Variants in NTRK3 observed in about 807,000 individuals in gnomAD.
The protein encoded by NTRK3 is NT-3 growth factor receptor.
Under a neutral mutation model 91.7 loss-of-function variants are expected in NTRK3, and 24 were observed. The ratio of observed to expected loss-of-function variants is 0.26; its 90% CI spans 0.19 to 0.37. The LOEUF (loss-of-function observed/expected upper bound fraction) is 0.37, where lower values mean the gene tolerates loss of function less well. Among genes scored for constraint, NTRK3 ranks in the 10% least tolerant of loss-of-function variants. The pLI is 1.00. For missense variants in NTRK3, 880 were observed against 1,068.9 expected (o/e 0.82, Z 2.46); for synonymous variants, 483 against 404.0 (o/e 1.20, Z -2.34).
At chr15:88,138,170 G>C (rs556424304) in intron 6 of NTRK3, among the ~76,000 whole-genome samples, 1 of 152,186 alleles carries the variant, frequency 6.6e-6, no homozygotes, top group East Asian at 1.9e-4. Context: ...TTGGGAGGCC[G>C]AGGTGGGAGG....
Position 88,243,914 on chromosome 15 carries a change from G to GA in NTRK3, c.248+11991dup, listed in dbSNP as rs536787796. The stretch of plus-strand genomic sequence containing the variant: ...AGCCATCATCACATGAATGCCCTCA[G>GA]AAAAAAAATATCTTTAGCACCTAGC... On this transcript the variant is annotated intron_variant, in intron 3 of 18. Transcript: ENST00000394480. This position sits in a 1 kb window ranked among gnomAD's most constrained non-coding sequence, Gnocchi z 4.8. Among the ~76,000 whole-genome samples the GA allele has an allele frequency of 2.0e-3, 306 of 151,970 alleles. No homozygotes were observed. The highest frequency in any genetic ancestry group is 6.8e-3 in the African/African-American group (282 of 41,472).
chr15:88,059,864 G>C (rs2046052086), intron 13 of NTRK3, among the ~76,000 whole-genome samples: 2 of 152,182 alleles, frequency 1.3e-5, no homozygotes, highest in Admixed American at 1.3e-4. Flanking sequence ...AATGTCACTG[G>C]TGTCCTTCTT....
intron 14 of NTRK3, among the ~76,000 whole-genome samples, chr15:87,958,009 G>A (rs1277310392): frequency 6.6e-6 from 1 of 152,182 alleles, no homozygotes; most frequent in Non-Finnish European, 1.5e-5. Context: ...TGTTGGTGGG[G>A]TGGCTGGAGG....
intron 13 of NTRK3, among the ~76,000 whole-genome samples, chr15:88,056,190 ATATATATATATATTTT>A (rs1238820764): frequency 1.0e-5 from 1 of 98,604 alleles, no homozygotes. Flanking sequence ...ATATATATAT[ATATATATATATATTTT>A]TTTTTTAATG....
chr15:88,247,382 A>G (rs1022566710), intron 3 of NTRK3, among the ~76,000 whole-genome samples: 1 of 152,084 alleles, frequency 6.6e-6, no homozygotes, highest in East Asian at 1.9e-4. Context: ...GGCCAAATCA[A>G]TTCACCTCTC....
In NTRK3 at chr15:88,057,216, G is replaced by A. The variant is rs568929373; in HGVS notation, c.1397-24171C>T. ...AGAAAAAAAGAAATGTGTCCTGAGGGCTGGGTGCAGTGGCTCACACCTGTA... is the reference window on the plus strand; with the variant it reads ...AGAAAAAAAGAAATGTGTCCTGAGGACTGGGTGCAGTGGCTCACACCTGTA... On this transcript the variant is annotated intron_variant, in intron 13 of 18. Coordinates refer to ENST00000394480, the Ensembl canonical transcript of NTRK3. 5.3e-5 allele frequency among the ~76,000 whole-genome samples: 8 copies of A among 150,172 alleles called. No individual in the cohort carries two copies. In the East Asian group the frequency reaches 1.4e-3, roughly 26 times the overall value.
chr15:87,865,570 A>C (rs2141385735), exon 19 of NTRK3: 1 of 217,214 alleles, frequency 4.6e-6, no homozygotes, highest in East Asian at 6.8e-5. Flanking sequence ...ACAGGGTACC[A>C]CTTAAAAATC....
At chr15:87,933,160 C>A (rs2068953391) in exon 16 of NTRK3, 3 of 1,614,158 alleles carry the variant, frequency 1.9e-6, no homozygotes, top group Non-Finnish European at 2.5e-6. Context: ...TCCTTCCGGG[C>A]AGCCAGGGTG....
At chr15:87,892,110 A>ACACACACACG (rs1162093326) in intron 17 of NTRK3, among the ~76,000 whole-genome samples, 2 of 151,328 alleles carry the variant, frequency 1.3e-5, no homozygotes, top group Non-Finnish European at 2.9e-5. Context: ...ACACACACAC[A>ACACACACACG]CACGCACGCA....
chr15:87,977,079 C>T (rs1316818552), intron 14 of NTRK3, among the ~76,000 whole-genome samples: 2 of 152,202 alleles, frequency 1.3e-5, no homozygotes, highest in African/African-American at 2.4e-5. Flanking sequence ...TTGCTTTCAC[C>T]TCTCACACTG....
At chr15:88,113,012 A>C (rs545503183) in intron 13 of NTRK3, among the ~76,000 whole-genome samples, 1 of 152,274 alleles carries the variant, frequency 6.6e-6, no homozygotes, top group Admixed American at 6.5e-5. Context: ...AGAGATTTTG[A>C]AATCATTCTT....
intron 17 of NTRK3, among the ~76,000 whole-genome samples, chr15:87,913,221 A>C (rs2067222328): frequency 6.6e-6 from 1 of 151,980 alleles, no homozygotes; most frequent in Non-Finnish European, 1.5e-5. Flanking sequence ...TGCTAGTCTC[A>C]TTTATGTGAT....
chr15:88,165,029 T>A (rs2044802352), intron 5 of NTRK3, among the ~76,000 whole-genome samples: 1 of 152,122 alleles, frequency 6.6e-6, no homozygotes, highest in African/African-American at 2.4e-5. Flanking sequence ...TCAACCCCCA[T>A]CCCACTTGGT....
At chr15:88,193,720 C>G (rs1271884485) in intron 3 of NTRK3, among the ~76,000 whole-genome samples, 1 of 152,200 alleles carries the variant, frequency 6.6e-6, no homozygotes, top group Admixed American at 6.5e-5. Context: ...CCTTTCCCAC[C>G]TTCTCAGGAA....
At chr15:88,049,010 T>C (rs990246461) in intron 13 of NTRK3, among the ~76,000 whole-genome samples, 8 of 152,118 alleles carry the variant, frequency 5.3e-5, no homozygotes, top group African/African-American at 1.9e-4. Flanking sequence ...GCCAGCAGTG[T>C]CAAGGGCAAA....
At chr15:88,148,545 G>C (rs1258648278) in intron 5 of NTRK3, among the ~76,000 whole-genome samples, 2 of 152,144 alleles carry the variant, frequency 1.3e-5, no homozygotes, top group African/African-American at 4.8e-5. Context: ...AGTGAAAGTA[G>C]CAAGTGTCAA....
intron 15 of NTRK3, among the ~76,000 whole-genome samples, chr15:87,940,148 AC>A (rs1291608593): frequency 1.3e-5 from 2 of 149,776 alleles, no homozygotes; most frequent in South Asian, 2.2e-4. Context: ...TCCCTGCTGC[AC>A]CCCCCTCCCT....
intron 13 of NTRK3, among the ~76,000 whole-genome samples, chr15:88,055,090 G>A (rs577411612): frequency 1.3e-5 from 2 of 152,176 alleles, no homozygotes; most frequent in Non-Finnish European, 2.9e-5. Context: ...TTGTGTGAGG[G>A]TGTGGTGCAT....
At position 88,067,293 on chromosome 15, in the gene NTRK3, T is replaced by C. The variant is rs919837101; in HGVS notation, c.1397-34248A>G. ...GAAGTCTATATATTTATCCACAGAG[T>C]CTCCTATTGAGCATAACTCCCTACA... On this transcript the variant is annotated intron_variant, in intron 13 of 18. Transcript: ENST00000394480. 2.6e-5 allele frequency among the ~76,000 whole-genome samples: 4 copies of C among 152,086 alleles called. No individual in the cohort carries two copies. The East Asian group carries it at 7.7e-4, about 29-fold the overall frequency.
Sources: allele counts gnomAD v4.1 joint callset (sites outside exome capture counted in the v4.1 genomes callset), GRCh38; gene constraint gnomAD v4.1.1; non-coding constraint Gnocchi (gnomAD v3.1); transcripts MANE v1.5; gene names NCBI Gene and HGNC (gene_info 2026-07-23, HGNC 2026-07-21).